LCOR: variants seen among roughly 807,000 people sequenced by gnomAD.
LCOR encodes ligand-dependent corepressor.
A neutral mutation model predicts 64.4 loss-of-function variants in LCOR; 14 were observed. That is an observed-to-expected ratio of 0.22 (90% CI 0.14 to 0.34). LCOR has a LOEUF of 0.34. LCOR is among the 10% of genes least tolerant of loss of function. The pLI is 1.00. For synonymous variants in LCOR, 643 were observed against 642.5 expected, an observed-to-expected ratio of 1.00 and a Z score of -0.01; for missense variants, 1,686 against 1,765.3, an observed-to-expected ratio of 0.96 and a Z score of 0.80.
rs185571915 is a variant in LCOR, at chr10:96,945,620, A to G, written c.-51+1375A>G. ...CTGATTGTTAAAAGCAAATTTAAGT[A>G]TAAACAACTTATAGAGCAGTTCTAT... is the stretch of plus-strand genomic sequence containing the variant. On this transcript the variant is annotated intron_variant, in intron 5 of 7. Coordinates refer to ENST00000421806, the MANE Select transcript of LCOR (RefSeq NM_001346516.2). 1.5e-3 allele frequency among the ~76,000 whole-genome samples: 228 copies of G among 152,236 alleles called. 6 individuals are homozygous for G. Among genetic ancestry groups the G allele is most frequent in the Admixed American group, 0.015 (225 of 15,254 alleles).
intron 2 of LCOR, among the ~76,000 whole-genome samples, chr10:96,863,949 A>G (rs973416084): frequency 1.3e-5 from 2 of 152,034 alleles, no homozygotes; most frequent in African/African-American, 2.4e-5. Context: ...ATGTTGGAGG[A>G]ACTGTTCTGA....
At chr10:96,901,969 A>T (rs1846646030) in intron 2 of LCOR, among the ~76,000 whole-genome samples, 1 of 152,072 alleles carries the variant, frequency 6.6e-6, no homozygotes, top group Admixed American at 6.5e-5. Context: ...ACGGAGTTTT[A>T]CCATGTTGTC....
chr10:96,920,688 GTATATA>G (rs1392174273), intron 4 of LCOR, among the ~76,000 whole-genome samples: 8 of 144,784 alleles, frequency 5.5e-5, no homozygotes, highest in Non-Finnish European at 1.0e-4. Flanking sequence ...TCATATATGT[GTATATA>G]TGTTCATATA....
At position 96,991,356 on chromosome 10, in the gene LCOR, T is replaced by G. The variant is rs1848199300; in HGVS notation, c.*6222T>G. Reference sequence around the variant, plus strand: ...ATAAGTTGTGGGCCATGTGATCATATCTATTAGGGTATGTAGTGAAAACTA... The same window carrying G: ...ATAAGTTGTGGGCCATGTGATCATAGCTATTAGGGTATGTAGTGAAAACTA... On this transcript the variant is annotated 3_prime_UTR_variant, in exon 8 of 8. Transcript: ENST00000421806. 6.6e-6 allele frequency: 1 copy of G among 152,202 alleles called. No homozygotes were observed. The highest frequency in any genetic ancestry group is 2.4e-5 in the African/African-American group (1 of 41,442). The allele number at this position is 152,202 out of a possible 1,614,324, so 9.4% of individuals were successfully genotyped here. A position where few individuals can be genotyped will look rare whatever the true frequency, so the allele number is the denominator to read the frequency against.
rs1052896133 is a variant in LCOR at position 96,947,074 on chromosome 10, A to G, written c.-50-1934A>G. The stretch of plus-strand genomic sequence containing the variant: ...GTTAAATGACTGTTTGGAAAATTCA[A>G]TGGATGGAGATATTTAAAAAGCAGT... On this transcript the variant is annotated intron_variant, in intron 5 of 7. Coordinates refer to ENST00000421806, the MANE Select transcript of LCOR (RefSeq NM_001346516.2). 1.4e-4 allele frequency among the ~76,000 whole-genome samples: 22 copies of G among 152,228 alleles called. No homozygotes were observed. In the South Asian group the frequency reaches 3.5e-3, roughly 24 times the overall value.
chr10:96,886,093 G>C (rs920997992), intron 2 of LCOR, among the ~76,000 whole-genome samples: 2 of 152,100 alleles, frequency 1.3e-5, no homozygotes, highest in Admixed American at 1.3e-4. Context: ...GGCCAGGCTG[G>C]TCTCGAGCTC....
In LCOR at chr10:96,984,602, G is replaced by A. The variant is rs1340636590; in HGVS notation, c.4142G>A (p.Arg1381Lys). 6.2e-7 allele frequency: 1 copy of A among 1,614,088 alleles called. No homozygotes were observed. The highest frequency in any genetic ancestry group is 8.5e-7 in the Non-Finnish European group (1 of 1,180,060). The change falls in exon 8 of 8, where the codon AGG becomes AAG. Residue 1381 changes from arginine (R) to lysine (K), a missense_variant. Physicochemically the swap from Arg to Lys is conservative, Grantham distance 26. Coordinates refer to ENST00000421806, the MANE Select transcript of LCOR (RefSeq NM_001346516.2). ...AAGAGTACTGAAGGAATGAAGGGAA[G>A]GAAGGGGAAGCAGGTGTCTGAAATC... ...KPKSTEGMKG[R>K]KGKQVSEILP... is the part of the protein sequence containing the mutation.
chr10:96,894,567 C>G (rs901027126), intron 2 of LCOR, among the ~76,000 whole-genome samples: 2 of 152,158 alleles, frequency 1.3e-5, no homozygotes, highest in African/African-American at 4.8e-5. Context: ...AATCATTGAA[C>G]CTTTTTGAGC....
intron 6 of LCOR, among the ~76,000 whole-genome samples, chr10:96,950,431 T>C (rs1356486244): frequency 2.0e-5 from 3 of 152,160 alleles, no homozygotes; most frequent in Admixed American, 1.3e-4. Context: ...GACTGTTTTC[T>C]TTTCCACAAA....
At chr10:96,865,471 A>G (rs1347295506) in intron 2 of LCOR, among the ~76,000 whole-genome samples, 1 of 152,148 alleles carries the variant, frequency 6.6e-6, no homozygotes, top group African/African-American at 2.4e-5. Flanking sequence ...TCTCTTTCCA[A>G]AATCAAATAG....
At chr10:96,928,956 T>C (rs1342233680) in intron 4 of LCOR, among the ~76,000 whole-genome samples, 1 of 152,228 alleles carries the variant, frequency 6.6e-6, no homozygotes, top group Non-Finnish European at 1.5e-5. Flanking sequence ...TATTTTTTTC[T>C]TTCTGAGCAG....
intron 4 of LCOR, among the ~76,000 whole-genome samples, chr10:96,923,368 T>C (rs1343419690): frequency 6.6e-6 from 1 of 152,226 alleles, no homozygotes; most frequent in African/African-American, 2.4e-5. Flanking sequence ...ATTACCTAAA[T>C]TTGGAGAATC....
At chr10:96,843,700 C>G (rs953932020) in intron 2 of LCOR, among the ~76,000 whole-genome samples, 10 of 152,202 alleles carry the variant, frequency 6.6e-5, no homozygotes, top group Non-Finnish European at 1.3e-4. Context: ...ATTCTTGTTT[C>G]ATCCCTAACT....
Position 96,984,945 on chromosome 10 carries a change from A to G in LCOR, c.4485A>G (p.Ala1495=). Residue 1495 remains alanine (A), a synonymous_variant, in exon 8 of 8, where the codon GCA becomes GCG. Coordinates refer to ENST00000421806, the MANE Select transcript of LCOR (RefSeq NM_001346516.2). ...SIASETLTKP[A]KQKGAGESSS... ...CCTCGGAAACACTGACGAAACCTGC[A>G]AAACAGAAGGGGGCCGGTGAATCCT... 5.0e-6 allele frequency: 8 copies of G among 1,614,182 alleles called. No homozygotes were observed. Among genetic ancestry groups the G allele is most frequent in the Non-Finnish European group, 6.8e-6 (8 of 1,180,040 alleles).
At chr10:96,958,315 A>G (rs1016473205) in intron 7 of LCOR, 36 of 1,524,214 alleles carry the variant, frequency 2.4e-5, no homozygotes, top group Middle Eastern at 1.8e-4. Flanking sequence ...GGTAGTCTAT[A>G]TAAGTGATGT....
At chr10:96,918,779 C>T (rs761940238) in intron 4 of LCOR, among the ~76,000 whole-genome samples, 11 of 152,240 alleles carry the variant, frequency 7.2e-5, no homozygotes, top group Non-Finnish European at 1.2e-4. Flanking sequence ...ATATAAGAAC[C>T]GTGGCCAACT....
At chr10:96,867,733 T>C (rs897668053) in intron 2 of LCOR, among the ~76,000 whole-genome samples, 3 of 152,106 alleles carry the variant, frequency 2.0e-5, no homozygotes, top group Non-Finnish European at 4.4e-5. Context: ...CTCATCTCTA[T>C]TTTATATGTA....
In LCOR at chr10:96,903,557, G is replaced by C. The variant is rs139226483; in HGVS notation, c.-329-3708G>C. On this transcript the variant is annotated intron_variant, in intron 2 of 7. Transcript: ENST00000421806. ...TCTGAAACTACTAGTCTCTGTACTG[G>C]TTATCTCAGAGGAGAGGTTCCCAAG... Among the ~76,000 whole-genome samples, 337 of 151,866 alleles carry C rather than the reference G, an allele frequency of 2.2e-3. 2 individuals are homozygous for C. The highest frequency in any genetic ancestry group is 7.8e-3 in the African/African-American group (322 of 41,408).
chr10:96,912,571 T>C (rs1219890436), intron 4 of LCOR, among the ~76,000 whole-genome samples: 1 of 149,330 alleles, frequency 6.7e-6, no homozygotes, highest in African/African-American at 2.5e-5. Flanking sequence ...TAAGGTGCTG[T>C]CTGCCTCTTT....
Sources: allele counts gnomAD v4.1 joint callset (sites outside exome capture counted in the v4.1 genomes callset), GRCh38; gene constraint gnomAD v4.1.1; transcripts MANE v1.5; gene names NCBI Gene and HGNC (gene_info 2026-07-23, HGNC 2026-07-21).